IL1RL2: variants seen among roughly 807,000 people sequenced by gnomAD.
IL1RL2 encodes the protein interleukin 1 receptor like 2, also known as interleukin-1 receptor-like 2.
IL1RL2 carries 68 observed loss-of-function variants against 66.8 expected under a neutral mutation model. The observed-to-expected ratio is 1.02, with a 90% CI of 0.84 to 1.25. IL1RL2 has a LOEUF of 1.25. Ranked by LOEUF, IL1RL2 falls within the 50% of genes most tolerant of loss-of-function variation. The pLI is 0.00. For synonymous variants in IL1RL2, 305 were observed against 264.6 expected (o/e 1.15, Z -1.48); for missense variants, 729 against 709.3 (o/e 1.03, Z -0.32).
At chr2:102,206,777 C>T (rs985552054) in intron 5 of IL1RL2, among the ~76,000 whole-genome samples, 18 of 152,218 alleles carry the variant, frequency 1.2e-4, no homozygotes, top group East Asian at 3.9e-4. Context: ...TACAATCAGC[C>T]GGTGGCAAAG....
intron 10 of IL1RL2, 133 bp from the exon 11 acceptor site, chr2:102,234,764 G>A: frequency 1.3e-6 from 1 of 784,188 alleles, no homozygotes; most frequent in Non-Finnish European, 2.0e-6. Flanking sequence ...TCCAACCTGG[G>A]CAACACAGTG....
chr2:102,226,201 C>T (rs1690595128), intron 9 of IL1RL2, among the ~76,000 whole-genome samples, 160 bp downstream of exon 9: 5 of 152,128 alleles, frequency 3.3e-5, no homozygotes, highest in Admixed American at 2.6e-4. Flanking sequence ...ATGATTTGTC[C>T]CTAATCACCA....
chr2:102,233,121 C>T lies in IL1RL2; in HGVS notation c.1294C>T (p.Gln432Ter). 6.2e-7 allele frequency: 1 copy of T among 1,608,942 alleles called. No homozygotes were observed. Among genetic ancestry groups the T allele is most frequent in the Non-Finnish European group, 8.5e-7 (1 of 1,176,104 alleles). ...ATTCGGCAGAGATGAATTCCCTGGA[C>T]AAGGTGGGTTTTAAGTGAGGTGTAA... ...FIFGRDEFPGQAVANVIDENV... is the reference protein window; with the variant it reads ...FIFGRDEFPG Residue 432 changes from glutamine (Q) to a stop codon, truncating the protein, a stop_gained, in exon 10 of 12, where the codon CAA becomes TAA. Coordinates refer to ENST00000264257, the MANE Select transcript of IL1RL2 (RefSeq NM_003854.4). LOFTEE classifies it high-confidence loss of function.
chr2:102,242,862 T>C (rs1043924863), downstream of IL1RL2, among the ~76,000 whole-genome samples: 21 of 152,376 alleles, frequency 1.4e-4, no homozygotes, highest in African/African-American at 4.8e-4. Context: ...ACAAAGTGCA[T>C]TCATCTGATC....
At chr2:102,189,514 C>G (rs1439086425) in intron 3 of IL1RL2, among the ~76,000 whole-genome samples, 1 of 152,234 alleles carries the variant, frequency 6.6e-6, no homozygotes, top group African/African-American at 2.4e-5. Context: ...GCATCTTTCC[C>G]TATGGAAATG....
chr2:102,225,816 C>T (rs1480434401), intron 8 of IL1RL2, 82 bp from the exon 9 acceptor site: 2 of 1,055,932 alleles, frequency 1.9e-6, no homozygotes, highest in East Asian at 6.2e-5. Context: ...ATAATGTGAT[C>T]TGTATTAGTA....
chr2:102,209,123 C>T (rs1688943921), intron 5 of IL1RL2, among the ~76,000 whole-genome samples: 1 of 152,180 alleles, frequency 6.6e-6, no homozygotes, highest in African/African-American at 2.4e-5. Context: ...TAAGAAGTAA[C>T]TGGGTTCAGT....
At chr2:102,220,944 G>A (rs1184346154) in intron 8 of IL1RL2, among the ~76,000 whole-genome samples, 1 of 152,172 alleles carries the variant, frequency 6.6e-6, no homozygotes, top group African/African-American at 2.4e-5. Context: ...CAGTGAATAG[G>A]GATCTGTGCG....
chr2:102,234,911 A>T lies in IL1RL2; in HGVS notation c.1312A>T (p.Ile438Phe). ...EFPGQAVANV[I>F]DENVKLCRRL... Reference sequence around the variant, plus strand: ...TTTATTTCCAGCCGTGGCCAATGTCATCGATGAAAACGTTAAGCTGTGCAG... The same window carrying T: ...TTTATTTCCAGCCGTGGCCAATGTCTTCGATGAAAACGTTAAGCTGTGCAG... The change falls in exon 11 of 12, where the codon ATC becomes TTC. Residue 438 changes from isoleucine (I) to phenylalanine (F), a missense_variant. Physicochemically the swap from Ile to Phe is conservative, Grantham distance 21. Coordinates refer to ENST00000264257, the MANE Select transcript of IL1RL2 (RefSeq NM_003854.4). The T allele has an allele frequency of 6.2e-7, 1 of 1,611,702 alleles. No individual in the cohort carries two copies. Among genetic ancestry groups the T allele is most frequent in the South Asian group, 1.1e-5 (1 of 91,054 alleles).
At chr2:102,202,283 C>T (rs546932599) in intron 5 of IL1RL2, among the ~76,000 whole-genome samples, 77 of 151,758 alleles carry the variant, frequency 5.1e-4, no homozygotes, top group Non-Finnish European at 1.0e-3. Flanking sequence ...TTAGCTCAAG[C>T]CACTAATTTA....
chr2:102,213,696 A>G (rs1689374262), intron 6 of IL1RL2, among the ~76,000 whole-genome samples: 1 of 152,212 alleles, frequency 6.6e-6, no homozygotes, highest in Admixed American at 6.5e-5. Context: ...ATCTTTAAAT[A>G]ACATTATTAT....
chr2:102,218,231 C>G lies in IL1RL2; in HGVS notation c.725-722C>G, dbSNP rs1012644631. On this transcript the variant is annotated intron_variant, in intron 6 of 11. Transcript: ENST00000264257. ...ATATTTGCTTATGATAATTCATTAA[C>G]TTGATATTTCTATTCTATACTGTTT... Among the ~76,000 whole-genome samples the G allele has an allele frequency of 2.5e-4, 38 of 152,112 alleles. 1 individual carries two copies. Among genetic ancestry groups the G allele is most frequent in the Admixed American group, 2.0e-4 (3 of 15,272 alleles).
intron 8 of IL1RL2, 119 bp from the exon 9 acceptor site, chr2:102,225,779 C>T (rs984380538): frequency 7.2e-5 from 51 of 704,446 alleles, no homozygotes; most frequent in South Asian, 6.5e-4. Context: ...CCCTCATTGA[C>T]ATCCAAAACC....
chr2:102,235,843 C>T (rs1674831807), intron 11 of IL1RL2: 9 of 985,316 alleles, frequency 9.1e-6, no homozygotes, highest in African/African-American at 1.7e-5. Flanking sequence ...TAGCACTTTG[C>T]TTCCAGAAGC....
At chr2:102,187,993 A>G in intron 2 of IL1RL2, 68 bp downstream of exon 2, 1 of 1,490,348 alleles carries the variant, frequency 6.7e-7, no homozygotes, top group East Asian at 2.3e-5. Flanking sequence ...TGTCATTGGG[A>G]GCCCCCGGGG....
chr2:102,187,135 T>C, intron 1 of IL1RL2, 49 bp downstream of exon 1: 2 of 1,282,698 alleles, frequency 1.6e-6, no homozygotes, highest in South Asian at 2.5e-5. Context: ...GGTGGGGCCC[T>C]GACAGTAGGA....
At chr2:102,219,759 T>A in intron 7 of IL1RL2, 122 bp from the exon 8 acceptor site, 1 of 939,062 alleles carries the variant, frequency 1.1e-6, no homozygotes, top group South Asian at 1.8e-5. Flanking sequence ...CAAAGTATTT[T>A]TAGGATAACA....
intron 1 of IL1RL2, 146 bp from the exon 2 acceptor site, chr2:102,187,710 G>A: frequency 1.4e-6 from 1 of 707,362 alleles, no homozygotes; most frequent in Admixed American, 2.2e-5. Context: ...GGGGAAACGT[G>A]GGGCCAAAGT....
At chr2:102,235,355 G>A in intron 11 of IL1RL2, 78 bp downstream of exon 11, 22 of 1,549,054 alleles carry the variant, frequency 1.4e-5, no homozygotes, top group Non-Finnish European at 1.8e-5. Context: ...ACAGCTGGAG[G>A]AGGACACGTT....
Sources: gnomAD v4.1 joint callset for allele counts (sites outside exome capture counted in the v4.1 genomes callset) on GRCh38, gnomAD v4.1.1 for gene constraint, MANE v1.5 for transcripts, NCBI Gene and HGNC (gene_info 2026-07-23, HGNC 2026-07-21) for gene names.